SCLT1: variants seen among roughly 807,000 people sequenced by gnomAD.
SCLT1 encodes the protein sodium channel-associated protein 1.
Under a neutral mutation model 112.8 loss-of-function variants are expected in SCLT1, and 78 were observed. The observed-to-expected ratio is 0.69, with a 90% confidence interval of 0.58 to 0.83. The LOEUF (loss-of-function observed/expected upper bound fraction) is 0.83, where lower values mean the gene tolerates loss of function less well. Ranked by LOEUF, SCLT1 falls within the 40% of genes least tolerant of loss-of-function variation. SCLT1 has a pLI of 0.00. For synonymous variants in SCLT1, 257 were observed against 254.7 expected, an observed-to-expected ratio of 1.01 and a Z score of -0.09; for missense variants, 747 against 770.4, an observed-to-expected ratio of 0.97 and a Z score of 0.36.
intron 5 of SCLT1, among the ~76,000 whole-genome samples, chr4:129,038,733 T>G (rs1747411844): frequency 6.6e-6 from 1 of 152,188 alleles, no homozygotes; most frequent in East Asian, 1.9e-4. Flanking sequence ...CATTATTGAT[T>G]GCTAATATTG....
At position 129,003,741 on chromosome 4, in the gene SCLT1, TTGA is replaced by T; in HGVS notation, c.423_425del (p.Asn141_Gln142delinsLys). On this transcript the variant is annotated inframe_deletion and splice_region_variant, in exon 6 of 21. Coordinates refer to ENST00000281142, the MANE Select transcript of SCLT1 (RefSeq NM_144643.4). ...ATTTTTAAAAATACATGTCACTCAC[TTGA>T]TTGGCTAGCTGCAATTGTTCTTGAA... 1 of 1,598,924 alleles carries T rather than the reference TTGA, an allele frequency of 6.3e-7. No homozygotes were observed. The highest frequency in any genetic ancestry group is 8.5e-7 in the Non-Finnish European group (1 of 1,174,512).
intron 9 of SCLT1, among the ~76,000 whole-genome samples, chr4:128,974,701 C>G (rs183514155): frequency 6.6e-6 from 1 of 152,022 alleles, no homozygotes; most frequent in African/African-American, 2.4e-5. Context: ...AAGGAACTAA[C>G]AAAAATAATT....
In SCLT1 at chr4:129,093,006, T is replaced by C. The variant is rs570168863; in HGVS notation, c.34+64A>G. 7 of 1,202,538 alleles carry C rather than the reference T, an allele frequency of 5.8e-6. No homozygotes were observed. In the African/African-American group the frequency reaches 6.0e-5, roughly 10 times the overall value. The allele number at this position is 1,202,538 out of a possible 1,614,324, so 74.5% of individuals were successfully genotyped here. ...TACCCAACCAGCATTCAAAAAAGAT[T>C]TGTCGGTCAACGACGACGATATTAA... On this transcript the variant is annotated intron_variant, in intron 1 of 20. Transcript: ENST00000281142.
At chr4:129,000,954 A>G (rs545057390) in intron 6 of SCLT1, among the ~76,000 whole-genome samples, 16 of 151,828 alleles carry the variant, frequency 1.1e-4, no homozygotes, top group Non-Finnish European at 1.9e-4. Flanking sequence ...AACTTAAAAA[A>G]AAAAACAAAA....
At chr4:128,966,854 T>C (rs1014348955) in intron 10 of SCLT1, among the ~76,000 whole-genome samples, 3 of 151,536 alleles carry the variant, frequency 2.0e-5, no homozygotes, top group African/African-American at 4.8e-5. Flanking sequence ...TTTTTTTTTT[T>C]CCTCCCTTCC....
chr4:129,086,105 T>C (rs1752374323), intron 1 of SCLT1, among the ~76,000 whole-genome samples: 1 of 152,014 alleles, frequency 6.6e-6, no homozygotes, highest in African/African-American at 2.4e-5. Context: ...AGAAAAAAAC[T>C]AGATCTGTGT....
At position 128,990,464 on chromosome 4, in the gene SCLT1, T is replaced by C. The variant is rs75996417; in HGVS notation, c.686+1703A>G. ...ATCTCAACAAAGTAAAAGTCATGTA[T>C]GACAAACCCACGGGTAATATCATAC... On this transcript the variant is annotated intron_variant, in intron 9 of 20. Transcript: ENST00000281142. Among the ~76,000 whole-genome samples, 856 of 152,042 alleles carry C rather than the reference T, an allele frequency of 5.6e-3. 7 individuals are homozygous for C. Among genetic ancestry groups the C allele is most frequent in the African/African-American group, 0.02 (821 of 41,538 alleles).
intron 2 of SCLT1, among the ~76,000 whole-genome samples, chr4:129,054,842 G>T (rs1285298759): frequency 6.6e-6 from 1 of 152,098 alleles, no homozygotes; most frequent in Non-Finnish European, 1.5e-5. Flanking sequence ...TCTGGTTTTT[G>T]GATTTTTCAA....
intron 18 of SCLT1, among the ~76,000 whole-genome samples, chr4:128,908,838 G>A (rs890083912): frequency 6.6e-5 from 10 of 152,128 alleles, no homozygotes; most frequent in Non-Finnish European, 1.3e-4. Context: ...GGTGATCTCA[G>A]GAAACCACGT....
intron 5 of SCLT1, among the ~76,000 whole-genome samples, chr4:129,014,453 T>A (rs1446542022): frequency 6.6e-6 from 1 of 152,216 alleles, no homozygotes; most frequent in East Asian, 1.9e-4. Flanking sequence ...CCACCTTCAA[T>A]CTTTGAGGCT....
chr4:128,979,865 A>C (rs1327720557), intron 9 of SCLT1, among the ~76,000 whole-genome samples: 1 of 152,228 alleles, frequency 6.6e-6, no homozygotes, highest in Non-Finnish European at 1.5e-5. Flanking sequence ...TGTTAATACT[A>C]ATTAACTGTG....
intron 18 of SCLT1, among the ~76,000 whole-genome samples, chr4:128,910,370 G>T (rs1734998378): frequency 6.6e-6 from 1 of 152,200 alleles, no homozygotes; most frequent in Admixed American, 6.5e-5. Flanking sequence ...GCTTTGCTAT[G>T]TTTAAAGGAG....
At chr4:128,907,084 C>T (rs1395338472) in intron 18 of SCLT1, among the ~76,000 whole-genome samples, 1 of 135,838 alleles carries the variant, frequency 7.4e-6, no homozygotes, top group Non-Finnish European at 1.5e-5. Flanking sequence ...ATAATAAATT[C>T]AGGAAACAAA....
At chr4:128,878,447 A>G (rs941854498) in intron 3 of SCLT1, among the ~76,000 whole-genome samples, 9 of 152,278 alleles carry the variant, frequency 5.9e-5, no homozygotes, top group South Asian at 2.1e-4. Context: ...TTCCCTTCCC[A>G]TGCAACAGTT....
chr4:128,944,161 C>G (rs184019758), intron 16 of SCLT1, among the ~76,000 whole-genome samples: 1 of 152,244 alleles, frequency 6.6e-6, no homozygotes, highest in Admixed American at 6.5e-5. Context: ...CTCCCACATT[C>G]TTGTAAACTG....
chr4:128,875,744 C>CTGA (rs1436510690), intron 4 of SCLT1, among the ~76,000 whole-genome samples: 4 of 152,118 alleles, frequency 2.6e-5, no homozygotes, highest in Non-Finnish European at 5.9e-5. Flanking sequence ...GAACAAGACA[C>CTGA]TGATGTTTAC....
chr4:129,089,407 C>T (rs1044663893), intron 1 of SCLT1, among the ~76,000 whole-genome samples: 12 of 151,942 alleles, frequency 7.9e-5, no homozygotes, highest in South Asian at 2.1e-4. Context: ...GCTTTTACAC[C>T]GTTGGTGGGA....
chr4:129,018,362 A>G (rs1013017885), intron 5 of SCLT1, among the ~76,000 whole-genome samples: 1 of 152,242 alleles, frequency 6.6e-6, no homozygotes, highest in African/African-American at 2.4e-5. Flanking sequence ...TGCACAATTT[A>G]ATTACGTATG....
At chr4:128,967,276 A>G (rs1375935941) in intron 10 of SCLT1, among the ~76,000 whole-genome samples, 2 of 152,124 alleles carry the variant, frequency 1.3e-5, no homozygotes, top group Non-Finnish European at 2.9e-5. Context: ...ATCTAGGCTG[A>G]TCCTATCTCC....
Sources: allele counts gnomAD v4.1 joint callset (sites outside exome capture counted in the v4.1 genomes callset), GRCh38; gene constraint gnomAD v4.1.1; transcripts MANE v1.5; gene names NCBI Gene and HGNC (gene_info 2026-07-23, HGNC 2026-07-21).